The following TBC1D28 variants were observed in gnomAD, a reference collection of about 807,000 sequenced individuals.
TBC1D28 encodes TBC1 domain family member 28.
In TBC1D28, 20 loss-of-function variants were observed where a neutral mutation model predicts 29.2. That is an observed-to-expected ratio of 0.68 (90% CI 0.48 to 0.99). The LOEUF (loss-of-function observed/expected upper bound fraction) is 0.99. Among genes scored for constraint, TBC1D28 ranks in the 50% least tolerant of loss-of-function variants. The pLI is 0.00. For synonymous variants in TBC1D28, 65 were observed against 90.9 expected (o/e 0.71, Z 1.62); for missense variants, 205 against 243.7 (o/e 0.84, Z 1.06).
exon 4 of TBC1D28, chr17:18,641,075 C>T (rs1311463925): frequency 6.1e-6 from 4 of 660,468 alleles, no homozygotes; most frequent in Non-Finnish European, 1.0e-5. Context: ...GCTCATGCCC[C>T]AAGTCCACTG....
chr17:18,642,434 C>G (rs2031814356), upstream of TBC1D28: 1 of 151,970 alleles, frequency 6.6e-6, no homozygotes, highest in African/African-American at 2.4e-5. Flanking sequence ...CATTGAATTC[C>G]AGAACTCAAG....
At chr17:18,636,353 A>T in exon 9 of TBC1D28, 1 of 1,523,484 alleles carries the variant, frequency 6.6e-7, no homozygotes, top group East Asian at 2.3e-5. Flanking sequence ...TTCATCTGAG[A>T]TGTGGTGATT....
upstream of TBC1D28, among the ~76,000 whole-genome samples, chr17:18,643,257 C>A (rs1326411891): frequency 3.3e-5 from 5 of 152,056 alleles, no homozygotes; most frequent in Non-Finnish European, 1.5e-5. Context: ...CTCAGCTAGA[C>A]TGTAAAATGC....
exon 9 of TBC1D28, chr17:18,636,552 G>C: frequency 1.9e-6 from 3 of 1,614,032 alleles, no homozygotes; most frequent in Non-Finnish European, 2.5e-6. Flanking sequence ...TACTCACAGG[G>C]TTATATGCAG....
exon 9 of TBC1D28, chr17:18,635,432 A>G (rs1379399873): frequency 3.0e-5 from 21 of 693,364 alleles, no homozygotes; most frequent in Admixed American, 6.3e-5. Flanking sequence ...AATTGTCCCT[A>G]ACAAACCCAA....
At chr17:18,638,983 A>C in intron 5 of TBC1D28, 192 bp downstream of exon 6, 4 of 998,934 alleles carry the variant, frequency 4.0e-6, no homozygotes, top group Non-Finnish European at 5.8e-6. Flanking sequence ...CTGAGCCAGG[A>C]CTACAGTTCT....
At chr17:18,644,028 G>A (rs1319041812), upstream of TBC1D28, among the ~76,000 whole-genome samples, 10 of 152,158 alleles carry the variant, frequency 6.6e-5, no homozygotes, top group Admixed American at 2.0e-4. Flanking sequence ...CATGCACAGG[G>A]CAGGGCTGAG....
upstream of TBC1D28, among the ~76,000 whole-genome samples, chr17:18,643,915 C>T (rs1421244466): frequency 1.3e-5 from 2 of 152,228 alleles, no homozygotes; most frequent in Admixed American, 1.3e-4. Flanking sequence ...CCACCACACC[C>T]ATAGGAGTTC....
In TBC1D28 at chr17:18,638,420, G is replaced by C. The variant is rs760368736; in HGVS notation, c.280C>G (p.Leu94Val). The C allele has an allele frequency of 8.1e-6, 13 of 1,614,032 alleles. No individual in the cohort carries two copies. In the Admixed American group the frequency reaches 2.0e-4, roughly 25 times the overall value. ...ATGACTTTGCATACTCTTTGAGACAGCTACAGACAGAAGAACACTCCAGTG... is the reference window on the plus strand; with the variant it reads ...ATGACTTTGCATACTCTTTGAGACACCTACAGACAGAAGAACACTCCAGTG... Residue 94 changes from leucine (L) to valine (V), a missense_variant and splice_region_variant, in exon 7 of 9, where the codon CTG becomes GTG. Transcript: ENST00000345096.
chr17:18,636,663 CA>C (rs1188060780), intron 8 of TBC1D28, 66 bp from the exon 10 acceptor site: 1 of 1,574,462 alleles, frequency 6.4e-7, no homozygotes, highest in African/African-American at 1.4e-5. Flanking sequence ...ATTTTGTCTA[CA>C]AACCCAAATA....
At chr17:18,644,324 G>A (rs2031904085), upstream of TBC1D28, 2 of 152,030 alleles carry the variant, frequency 1.3e-5, no homozygotes, top group Admixed American at 1.3e-4. Context: ...CTCTCACTTA[G>A]CAAAACTTCC....
At chr17:18,634,296 T>C (rs1272983319), downstream of TBC1D28, among the ~76,000 whole-genome samples, 1 of 152,016 alleles carries the variant, frequency 6.6e-6, no homozygotes. Context: ...AACTCTTAAG[T>C]TGGAAAACAC....
At chr17:18,637,869 T>C (rs997691579) in exon 8 of TBC1D28, 2 of 1,613,598 alleles carry the variant, frequency 1.2e-6, no homozygotes, top group African/African-American at 2.7e-5. Context: ...CTTACTTGAC[T>C]CCGAATCTTT....
intron 5 of TBC1D28, 41 bp from the exon 7 acceptor site, chr17:18,638,742 C>T (rs772765836): frequency 9.9e-6 from 16 of 1,613,718 alleles, no homozygotes; most frequent in South Asian, 4.4e-5. Context: ...AGCTGTCAGT[C>T]GTCTGACAGT....
upstream of TBC1D28, among the ~76,000 whole-genome samples, chr17:18,643,209 G>A (rs1330229823): frequency 1.3e-5 from 2 of 152,192 alleles, no homozygotes; most frequent in African/African-American, 4.8e-5. Context: ...GGGGCTAGGG[G>A]TTAGAGGGCA....
At chr17:18,637,473 C>T (rs1325759194) in intron 8 of TBC1D28, among the ~76,000 whole-genome samples, 2 of 140,722 alleles carry the variant, frequency 1.4e-5, no homozygotes, top group African/African-American at 2.8e-5. Flanking sequence ...TGAGAGTTTC[C>T]GGGGCCCCGC....
chr17:18,635,269 C>G (rs573195633), exon 9 of TBC1D28: 1 of 153,092 alleles, frequency 6.5e-6, no homozygotes, highest in Admixed American at 6.5e-5. Context: ...CCGTGCCCAA[C>G]GCCAGCAAAG....
chr17:18,638,436 C>T lies in TBC1D28; in HGVS notation c.280-16G>A, dbSNP rs761328695. 1 of 1,613,938 alleles carries T rather than the reference C, an allele frequency of 6.2e-7. No homozygotes were observed. The highest frequency in any genetic ancestry group is 1.1e-5 in the South Asian group (1 of 91,072). On this transcript the variant is annotated splice_polypyrimidine_tract_variant and intron_variant, in intron 6 of 8. Transcript: ENST00000345096. ...TTTGAGACAGCTACAGACAGAAGAA[C>T]ACTCCAGTGAGAAAGGACATGGGGC...
intron 3 of TBC1D28, 69 bp downstream of exon 4, chr17:18,641,209 A>T: frequency 6.8e-7 from 1 of 1,465,428 alleles, no homozygotes; most frequent in Non-Finnish European, 9.2e-7. Context: ...GAAGCCCAGG[A>T]CCCTGTGACC....
Sources: gnomAD v4.1 joint callset for allele counts (sites outside exome capture counted in the v4.1 genomes callset) on GRCh38, gnomAD v4.1.1 for gene constraint, MANE v1.5 for transcripts, NCBI Gene and HGNC (gene_info 2026-07-23, HGNC 2026-07-21) for gene names.